The following ATG16L1 variants were observed in gnomAD, a reference collection of about 807,000 sequenced individuals.
ATG16L1 encodes autophagy-related protein 16-1.
ATG16L1 carries 37 observed loss-of-function variants against 88.5 expected under a neutral mutation model. The observed-to-expected ratio is 0.42, with a 90% CI of 0.32 to 0.55. The LOEUF (loss-of-function observed/expected upper bound fraction) is 0.55. ATG16L1 is among the 20% of genes least tolerant of loss of function. The pLI is 0.13. For missense variants in ATG16L1, 554 were observed against 752.8 expected (o/e 0.74, Z 3.09); for synonymous variants, 301 against 281.0 (o/e 1.07, Z -0.71).
At chr2:233,257,494 T>A (rs1377509358) in intron 2 of ATG16L1, among the ~76,000 whole-genome samples, 1 of 152,244 alleles carries the variant, frequency 6.6e-6, no homozygotes, top group Non-Finnish European at 1.5e-5. Flanking sequence ...TTGTGTTAGA[T>A]GATTTTGCCC....
chr2:233,251,762 C>T lies in ATG16L1; in HGVS notation c.-66C>T, dbSNP rs1696384583. Reference sequence around the variant, plus strand: ...TCCCGCTTCTGCTGGTTGCTTCATGCTGCAGGCTGCGGCCGTCAGCCCTCG... The same window carrying T: ...TCCCGCTTCTGCTGGTTGCTTCATGTTGCAGGCTGCGGCCGTCAGCCCTCG... On this transcript the variant is annotated 5_prime_UTR_variant, in exon 1 of 18. Transcript: ENST00000392017. The T allele has an allele frequency of 1.4e-6, 2 of 1,431,924 alleles. No individual in the cohort carries two copies. The highest frequency in any genetic ancestry group is 1.4e-5 in the African/African-American group (1 of 70,122). The allele number at this position is 1,431,924 out of a possible 1,614,324, so 88.7% of individuals were successfully genotyped here. A position where few individuals can be genotyped will look rare whatever the true frequency, so the allele number is the denominator to read the frequency against.
At chr2:233,288,878 G>A (rs1182776476) in intron 12 of ATG16L1, 2 of 519,102 alleles carry the variant, frequency 3.9e-6, no homozygotes, top group Admixed American at 1.9e-5. Context: ...TAGTCACAAA[G>A]GGATTTGATT....
In ATG16L1 at chr2:233,251,738, C is replaced by T. The variant is rs1414577792; in HGVS notation, c.-90C>T. 43 of 1,233,040 alleles carry T rather than the reference C, an allele frequency of 3.5e-5. 2 individuals are homozygous for T. The highest frequency in any genetic ancestry group is 3.1e-4 in the South Asian group (24 of 77,500). 76.4% of individuals were successfully genotyped at this position (1,233,040 alleles called of 1,614,324 possible). On this transcript the variant is annotated 5_prime_UTR_variant, in exon 1 of 18. Transcript: ENST00000392017. Reference sequence around the variant, plus strand: ...GGTGAGCTCCGGGATTGCCGGCATTCCCGCTTCTGCTGGTTGCTTCATGCT... The same window carrying T: ...GGTGAGCTCCGGGATTGCCGGCATTTCCGCTTCTGCTGGTTGCTTCATGCT...
Position 233,292,220 on chromosome 2 carries a change from G to A in ATG16L1, c.1523G>A (p.Arg508His). 1.9e-6 allele frequency: 3 copies of A among 1,614,224 alleles called. No homozygotes were observed. The highest frequency in any genetic ancestry group is 2.5e-6 in the Non-Finnish European group (3 of 1,180,032). Residue 508 changes from arginine (R) to histidine (H), a missense_variant, in exon 15 of 18, where the codon CGT becomes CAT. By Grantham distance (29) the Arg-to-His change is conservative. Transcript: ENST00000392017. ...AGGACTGAGCTCCTGAGCTGCTCCC[G>A]TGATGACTTGCTAAAAGTTATTGAT... is the stretch of plus-strand genomic sequence containing the variant. ...PERTELLSCS[R>H]DDLLKVIDLR...
intron 2 of ATG16L1, among the ~76,000 whole-genome samples, chr2:233,260,869 T>C (rs1697158951): frequency 6.6e-6 from 1 of 152,194 alleles, no homozygotes; most frequent in Admixed American, 6.5e-5. Flanking sequence ...AAACCATCCT[T>C]GTCTGGGGAA....
intron 5 of ATG16L1, among the ~76,000 whole-genome samples, chr2:233,268,230 T>G (rs1447926691): frequency 6.6e-6 from 1 of 152,100 alleles, no homozygotes; most frequent in Non-Finnish European, 1.5e-5. Context: ...CCAAGGCAGG[T>G]GGATCACCTG....
intron 8 of ATG16L1, chr2:233,274,014 G>T (rs989446071): frequency 1.8e-5 from 28 of 1,550,830 alleles, no homozygotes; most frequent in Non-Finnish European, 2.4e-5. Context: ...CCCCTTTTGG[G>T]ACATCATTCT....
At chr2:233,273,925 C>G in intron 8 of ATG16L1, 148 bp downstream of exon 8, 2 of 1,529,736 alleles carry the variant, frequency 1.3e-6, no homozygotes, top group Non-Finnish European at 1.8e-6. Context: ...TTAGCTTCTT[C>G]CTTTTTTCCT....
chr2:233,253,348 T>TTTG (rs1559372329), intron 1 of ATG16L1, among the ~76,000 whole-genome samples: 2 of 135,232 alleles, frequency 1.5e-5, no homozygotes, highest in South Asian at 2.6e-4. Context: ...TTGTTTTTTT[T>TTTG]TTTTTTTTTT....
chr2:233,253,122 C>T (rs996447101), intron 1 of ATG16L1, among the ~76,000 whole-genome samples: 1 of 152,040 alleles, frequency 6.6e-6, no homozygotes, highest in East Asian at 1.9e-4. Flanking sequence ...GAACTGCATG[C>T]CAAGTTATCA....
rs1168559526 is a variant in ATG16L1 at position 233,274,728 on chromosome 2, C to T, written c.904C>T (p.Pro302Ser). Residue 302 changes from proline to serine, a missense_variant, in exon 9 of 18, where the codon CCT becomes TCT. This residue lies in a region of ATG16L1 where 370 missense variants were observed against 509.7 expected (regional missense o/e 0.73). Transcript: ENST00000392017. The stretch of plus-strand genomic sequence containing the variant: ...CCCCCAGGACAATGTGGATACTCAT[C>T]CTGGTTCTGGTAAAGAAGTGAGGGT... ...PVPQDNVDTH[P>S]GSGKEVRVPA... 3.1e-6 allele frequency: 5 copies of T among 1,612,942 alleles called. No individual in the cohort carries two copies. Among genetic ancestry groups the T allele is most frequent in the Non-Finnish European group, 4.2e-6 (5 of 1,179,006 alleles).
intron 7 of ATG16L1, chr2:233,273,492 A>T: frequency 1.8e-6 from 1 of 545,200 alleles, no homozygotes; most frequent in Non-Finnish European, 3.2e-6. Context: ...CAGGGAAATT[A>T]ATTTAATACT....
chr2:233,274,798 G>A lies in ATG16L1; in HGVS notation c.954+20G>A, dbSNP rs781037514. 4 of 1,572,122 alleles carry A rather than the reference G, an allele frequency of 2.5e-6. No homozygotes were observed. The highest frequency in any genetic ancestry group is 1.3e-5 in the African/African-American group (1 of 74,096). On this transcript the variant is annotated intron_variant, in intron 9 of 17. Coordinates refer to ENST00000392017, the MANE Select transcript of ATG16L1 (RefSeq NM_030803.7). ...GTCTTCGTAAGTATGCTTCAGCCCC[G>A]AACCCTACCACGCTTGATATGGTGA...
Position 233,277,609 on chromosome 2 carries a change from A to G in ATG16L1, c.996A>G (p.Pro332=), listed in dbSNP as rs753995070. The change falls in exon 10 of 18, where the codon CCA becomes CCG. Residue 332 remains proline (P), a synonymous_variant. Coordinates refer to ENST00000392017, the MANE Select transcript of ATG16L1 (RefSeq NM_030803.7). ...DGEVNAVQFS[P]GSRLLATGGM... ...AAGTCAACGCTGTGCAGTTCAGTCC[A>G]GGTTCCCGGTTACTGGCCACTGGAG... 6.2e-7 allele frequency: 1 copy of G among 1,614,152 alleles called. No individual in the cohort carries two copies. Among genetic ancestry groups the G allele is most frequent in the Non-Finnish European group, 8.5e-7 (1 of 1,179,976 alleles).
chr2:233,253,340 G>GTTTTTT (rs56151049), intron 1 of ATG16L1, among the ~76,000 whole-genome samples: 29 of 108,642 alleles, frequency 2.7e-4, no homozygotes, highest in African/African-American at 5.1e-4. Context: ...GGGTTTTTTT[G>GTTTTTT]TTTTTTTTTT....
intron 5 of ATG16L1, among the ~76,000 whole-genome samples, chr2:233,267,469 ATGAC>A (rs1697684525): frequency 6.6e-6 from 1 of 151,894 alleles, no homozygotes; most frequent in Non-Finnish European, 1.5e-5. Context: ...TTTTAAAAAA[ATGAC>A]TGGAAGGAAT....
intron 6 of ATG16L1, 29 bp from the exon 7 acceptor site, chr2:233,272,937 A>G (rs1362323566): frequency 2.5e-6 from 4 of 1,580,900 alleles, no homozygotes; most frequent in Non-Finnish European, 2.6e-6. Context: ...GTTCAGGAGA[A>G]TCAAAGAATG....
chr2:233,291,504 A>G (rs893420944), intron 14 of ATG16L1, among the ~76,000 whole-genome samples: 19 of 152,188 alleles, frequency 1.2e-4, no homozygotes, highest in Non-Finnish European at 2.9e-5. Flanking sequence ...TTGAAAGCCT[A>G]CAACAAAATC....
At chr2:233,257,230 C>G (rs970510712) in intron 2 of ATG16L1, among the ~76,000 whole-genome samples, 2 of 152,012 alleles carry the variant, frequency 1.3e-5, no homozygotes, top group Admixed American at 1.3e-4. Context: ...GGGGTTTCAC[C>G]GTGTTAGCCA....
Sources: allele counts gnomAD v4.1 joint callset (sites outside exome capture counted in the v4.1 genomes callset), GRCh38; gene constraint gnomAD v4.1.1; regional missense constraint gnomAD v4.1.1; transcripts MANE v1.5; gene names NCBI Gene and HGNC (gene_info 2026-07-23, HGNC 2026-07-21).